The following TAFA4 variants were observed in gnomAD, a reference collection of about 807,000 sequenced individuals.
TAFA4 encodes the protein TAFA chemokine like family member 4.
Under a neutral mutation model 21.1 loss-of-function variants are expected in TAFA4, and 20 were observed. The ratio of observed to expected loss-of-function variants is 0.95; its 90% CI spans 0.67 to 1.38. The LOEUF is 1.38. Among genes scored for constraint, TAFA4 ranks in the 40% most tolerant of loss-of-function variants. The probability of loss-of-function intolerance (pLI) is 0.00; values close to 1 mark genes in which losing one functional copy is unlikely to be tolerated. For synonymous variants in TAFA4, 71 were observed against 67.4 expected (o/e 1.05, Z -0.26); for missense variants, 211 against 180.9 (o/e 1.17, Z -0.95).
intron 1 of TAFA4, among the ~76,000 whole-genome samples, chr3:68,905,322 A>G (rs2089888938): frequency 6.6e-6 from 1 of 151,816 alleles, no homozygotes; most frequent in Non-Finnish European, 1.5e-5. Flanking sequence ...GGCGCTTGCC[A>G]CTACACCTAG....
In TAFA4 at chr3:68,813,416, C is replaced by T. The variant is rs931970749; in HGVS notation, c.131-60398G>A. On this transcript the variant is annotated intron_variant, in intron 3 of 5. Transcript: ENST00000295569. ...TTTGAAAAGAACAAAATTGATAGAC[C>T]ACTAGCAAGACTAATAAAGAAGAAA... Among the ~76,000 whole-genome samples, 4 of 151,916 alleles carry T rather than the reference C, an allele frequency of 2.6e-5. No individual in the cohort carries two copies. In the East Asian group the frequency reaches 7.7e-4, roughly 29 times the overall value.
chr3:68,766,872 A>G (rs902786631), intron 3 of TAFA4, among the ~76,000 whole-genome samples: 8 of 152,156 alleles, frequency 5.3e-5, no homozygotes, highest in Admixed American at 3.3e-4. Flanking sequence ...ACAAATATTA[A>G]CATGTGGAAA....
At chr3:68,785,145 T>C (rs6800194) in intron 3 of TAFA4, among the ~76,000 whole-genome samples, 148,251 of 152,176 alleles carry the variant, frequency 0.97, 72,244 homozygotes, top group East Asian at 0.99. Flanking sequence ...GGTGTGTTTA[T>C]AAACATTGAG....
intron 3 of TAFA4, among the ~76,000 whole-genome samples, chr3:68,807,253 A>T (rs569398177): frequency 3.9e-5 from 6 of 152,336 alleles, no homozygotes; most frequent in African/African-American, 1.4e-4. Context: ...TTAGAATTTG[A>T]ACAAAGATTA....
chr3:68,816,108 T>C (rs554954302), intron 3 of TAFA4, among the ~76,000 whole-genome samples: 17 of 151,878 alleles, frequency 1.1e-4, no homozygotes, highest in African/African-American at 4.1e-4. Context: ...AGGTGGGACT[T>C]GAACAATGAG....
At chr3:68,847,331 C>T (rs1704828775) in intron 3 of TAFA4, among the ~76,000 whole-genome samples, 1 of 152,208 alleles carries the variant, frequency 6.6e-6, no homozygotes, top group Non-Finnish European at 1.5e-5. Flanking sequence ...GGGAAAACCA[C>T]CTACTCAAGC....
chr3:68,918,094 ATT>A (rs1228133988), intron 1 of TAFA4, among the ~76,000 whole-genome samples: 10 of 151,552 alleles, frequency 6.6e-5, no homozygotes, highest in African/African-American at 2.4e-4. Flanking sequence ...ATGAGACAAC[ATT>A]TGAGACTTAA....
At position 68,855,104 on chromosome 3, in the gene TAFA4, T is replaced by A. The variant is rs867288840; in HGVS notation, c.130+25626A>T. ...TGAAAGCTAAGTAAGAAATAAAAAATGTAAGTCACAACAGAACTATGCTGG... is the reference window on the plus strand; with the variant it reads ...TGAAAGCTAAGTAAGAAATAAAAAAAGTAAGTCACAACAGAACTATGCTGG... On this transcript the variant is annotated intron_variant, in intron 3 of 5. Transcript: ENST00000295569. 2.0e-5 allele frequency among the ~76,000 whole-genome samples: 3 copies of A among 152,084 alleles called. No individual in the cohort carries two copies. The South Asian group carries it at 6.2e-4, about 31-fold the overall frequency.
intron 3 of TAFA4, among the ~76,000 whole-genome samples, chr3:68,753,476 C>T (rs1702599946): frequency 6.6e-6 from 1 of 151,548 alleles, no homozygotes. Context: ...ACTGGGATTA[C>T]AGGTGTGTGC....
intron 1 of TAFA4, among the ~76,000 whole-genome samples, chr3:68,893,611 T>C (rs2089755250): frequency 6.6e-6 from 1 of 152,122 alleles, no homozygotes; most frequent in Admixed American, 6.6e-5. Flanking sequence ...CACAGAGCAT[T>C]TTAGGAAAAG....
At chr3:68,912,591 C>CT (rs1390407678) in intron 1 of TAFA4, among the ~76,000 whole-genome samples, 1 of 152,234 alleles carries the variant, frequency 6.6e-6, no homozygotes, top group African/African-American at 2.4e-5. Context: ...TTAATCAAGT[C>CT]TTACTCATCT....
intron 3 of TAFA4, among the ~76,000 whole-genome samples, chr3:68,773,752 G>C (rs2106786357): frequency 6.6e-6 from 1 of 152,334 alleles, no homozygotes; most frequent in African/African-American, 2.4e-5. Context: ...TGGTGGAATG[G>C]TGACAATTTA....
intron 4 of TAFA4, among the ~76,000 whole-genome samples, chr3:68,750,744 T>C (rs1359759122): frequency 1.3e-5 from 2 of 152,336 alleles, no homozygotes; most frequent in Middle Eastern, 3.4e-3. Context: ...TTGAATATTG[T>C]ACAACATTAT....
chr3:68,850,196 A>G (rs1704911161), intron 3 of TAFA4, among the ~76,000 whole-genome samples: 1 of 152,232 alleles, frequency 6.6e-6, no homozygotes, highest in African/African-American at 2.4e-5. Flanking sequence ...TAGGTATCAT[A>G]CAACAGTAAT....
chr3:68,790,558 A>G (rs538211599), intron 3 of TAFA4, among the ~76,000 whole-genome samples: 2 of 152,360 alleles, frequency 1.3e-5, no homozygotes, highest in African/African-American at 4.8e-5. Flanking sequence ...TGCTGAGTAT[A>G]CTCAAATGAG....
At position 68,843,993 on chromosome 3, in the gene TAFA4, C is replaced by G. The variant is rs886680725; in HGVS notation, c.130+36737G>C. Among the ~76,000 whole-genome samples the G allele has an allele frequency of 5.3e-5, 8 of 152,116 alleles. 1 individual carries two copies. The highest frequency in any genetic ancestry group is 3.3e-4 in the Admixed American group (5 of 15,264). ...CTGAAATTTTCTTTTTTTGTTGTGTCTCTGCCAGGTTTTGGTATCAGGATG... is the reference window on the plus strand; with the variant it reads ...CTGAAATTTTCTTTTTTTGTTGTGTGTCTGCCAGGTTTTGGTATCAGGATG... On this transcript the variant is annotated intron_variant, in intron 3 of 5. Coordinates refer to ENST00000295569, the MANE Select transcript of TAFA4 (RefSeq NM_182522.5).
At chr3:68,786,705 G>C (rs1703269039) in intron 3 of TAFA4, among the ~76,000 whole-genome samples, 1 of 152,170 alleles carries the variant, frequency 6.6e-6, no homozygotes, top group Non-Finnish European at 1.5e-5. Context: ...AGAAAATACA[G>C]ATGCACGAAA....
chr3:68,929,910 T>A (rs1167915158), intron 1 of TAFA4, among the ~76,000 whole-genome samples: 1 of 152,250 alleles, frequency 6.6e-6, no homozygotes, highest in Admixed American at 6.5e-5. Context: ...CTTTTGTCAA[T>A]GCATGTTCAA....
chr3:68,842,679 CTTATGTTTAAGTCT>C (rs1386684644), intron 3 of TAFA4, among the ~76,000 whole-genome samples: 1 of 152,044 alleles, frequency 6.6e-6, no homozygotes. Context: ...GGTTTTAGGT[CTTATGTTTAAGTCT>C]TTAATCCATC....
Sources: gnomAD v4.1 joint callset for allele counts (sites outside exome capture counted in the v4.1 genomes callset) on GRCh38, gnomAD v4.1.1 for gene constraint, MANE v1.5 for transcripts, NCBI Gene and HGNC (gene_info 2026-07-23, HGNC 2026-07-21) for gene names.